CALN1: variants seen among roughly 807,000 people sequenced by gnomAD.
CALN1 encodes calneuron 1.
CALN1 carries 17 observed loss-of-function variants against 30.6 expected under a neutral mutation model. The observed-to-expected ratio is 0.56, with a 90% CI of 0.38 to 0.83. The LOEUF (loss-of-function observed/expected upper bound fraction) is 0.83, where lower values mean the gene tolerates loss of function less well. Among genes scored for constraint, CALN1 ranks in the 40% least tolerant of loss-of-function variants. The pLI, the probability that CALN1 is intolerant of heterozygous loss-of-function variation, is 0.00. For synonymous variants in CALN1, 156 were observed against 131.4 expected (o/e 1.19, Z -1.28); for missense variants, 291 against 354.9 (o/e 0.82, Z 1.45).
chr7:71,902,131 G>A (rs574109450), intron 5 of CALN1, among the ~76,000 whole-genome samples: 1 of 152,150 alleles, frequency 6.6e-6, no homozygotes, highest in Non-Finnish European at 1.5e-5. Flanking sequence ...GGCTGAGGCT[G>A]GAGAATGGTG....
intron 5 of CALN1, among the ~76,000 whole-genome samples, chr7:71,856,656 A>G (rs551237445): frequency 3.9e-5 from 6 of 152,242 alleles, no homozygotes; most frequent in African/African-American, 1.2e-4. Context: ...TGTATGTCCA[A>G]ATAAAAAATA....
intron 5 of CALN1, among the ~76,000 whole-genome samples, chr7:71,934,332 T>A (rs968450053): frequency 2.6e-5 from 4 of 152,204 alleles, no homozygotes; most frequent in Non-Finnish European, 5.9e-5. Flanking sequence ...GTCACTGGTA[T>A]AGTCACTGAT....
At chr7:72,032,870 G>A (rs954433163) in intron 4 of CALN1, among the ~76,000 whole-genome samples, 1 of 152,082 alleles carries the variant, frequency 6.6e-6, no homozygotes, top group Non-Finnish European at 1.5e-5. Context: ...ACCTGTTCAG[G>A]CCCTGCAGGG....
chr7:72,193,936 C>A (rs959406720), intron 3 of CALN1, among the ~76,000 whole-genome samples: 6 of 150,838 alleles, frequency 4.0e-5, no homozygotes, highest in African/African-American at 9.8e-5. Flanking sequence ...AAGAATAATA[C>A]AATAAACTGA....
intron 5 of CALN1, among the ~76,000 whole-genome samples, chr7:71,867,969 T>G (rs552491000): frequency 6.8e-4 from 104 of 152,342 alleles, no homozygotes; most frequent in Non-Finnish European, 1.2e-3. Flanking sequence ...ACATCTATGA[T>G]AGACATATCT....
At chr7:72,029,580 T>C (rs1376786556) in intron 4 of CALN1, among the ~76,000 whole-genome samples, 3 of 152,172 alleles carry the variant, frequency 2.0e-5, no homozygotes, top group Non-Finnish European at 4.4e-5. Context: ...GAAATTTCAG[T>C]GCCATCTCCC....
chr7:72,274,791 T>C (rs1797233073), intron 3 of CALN1, among the ~76,000 whole-genome samples: 1 of 152,134 alleles, frequency 6.6e-6, no homozygotes, highest in Non-Finnish European at 1.5e-5. Context: ...TAAAAATGGA[T>C]GAATGAATGA....
chr7:72,382,783 A>G (rs7781345), intron 2 of CALN1, among the ~76,000 whole-genome samples: 2,156 of 152,190 alleles, frequency 0.014, 22 homozygotes, highest in African/African-American at 0.025. Flanking sequence ...ATGTTGCTGT[A>G]AAGGACAGGA....
At chr7:71,904,202 C>G (rs1794008816) in intron 5 of CALN1, among the ~76,000 whole-genome samples, 1 of 152,174 alleles carries the variant, frequency 6.6e-6, no homozygotes, top group Non-Finnish European at 1.5e-5. Context: ...CTACTGGGTA[C>G]ATGTCCAGAG....
intron 5 of CALN1, among the ~76,000 whole-genome samples, chr7:72,017,058 G>C (rs977856226): frequency 6.8e-5 from 10 of 147,876 alleles, no homozygotes; most frequent in Admixed American, 6.7e-4. Flanking sequence ...CAGCTACTTG[G>C]GAGGCTGAAG....
intron 2 of CALN1, among the ~76,000 whole-genome samples, chr7:72,360,926 C>A (rs548416870): frequency 1.6e-3 from 243 of 151,908 alleles, no homozygotes; most frequent in South Asian, 4.6e-3. Context: ...AGGGTTTCAT[C>A]CTGTTGGCCA....
At chr7:72,205,551 A>AATATATATAT (rs1554319583) in intron 3 of CALN1, among the ~76,000 whole-genome samples, 1 of 83,050 alleles carries the variant, frequency 1.2e-5, no homozygotes, top group African/African-American at 7.5e-5. Context: ...GCAAAAAAAA[A>AATATATATAT]ATATATATAT....
intron 3 of CALN1, among the ~76,000 whole-genome samples, chr7:72,244,670 T>C (rs1795050050): frequency 6.6e-6 from 1 of 151,286 alleles, no homozygotes; most frequent in South Asian, 2.1e-4. Context: ...AAAATGGGGG[T>C]TGAGTAGGAA....
intron 2 of CALN1, among the ~76,000 whole-genome samples, chr7:72,343,560 A>T (rs1802480863): frequency 6.7e-6 from 1 of 149,976 alleles, no homozygotes; most frequent in African/African-American, 2.5e-5. Context: ...AAAAAAAAAA[A>T]TCAATATAAC....
intron 3 of CALN1, among the ~76,000 whole-genome samples, chr7:72,264,496 ATT>A (rs34126246): frequency 0.34 from 50,528 of 147,098 alleles, 9,625 homozygotes; most frequent in Middle Eastern, 0.52. Flanking sequence ...AATAAGCAGG[ATT>A]TTTTTTTTTT....
chr7:71,958,190 A>G (rs1350622773), intron 5 of CALN1, among the ~76,000 whole-genome samples: 1 of 152,060 alleles, frequency 6.6e-6, no homozygotes, highest in Non-Finnish European at 1.5e-5. Flanking sequence ...TAATGGATCC[A>G]TCATCTTAAT....
intron 2 of CALN1, among the ~76,000 whole-genome samples, chr7:72,293,773 G>GA (rs1798655755): frequency 6.6e-6 from 1 of 152,236 alleles, no homozygotes; most frequent in African/African-American, 2.4e-5. Context: ...TCAAGGATAA[G>GA]AAAAAATGCT....
chr7:72,265,446 G>A (rs563122033), intron 3 of CALN1, among the ~76,000 whole-genome samples: 1 of 152,296 alleles, frequency 6.6e-6, no homozygotes, highest in African/African-American at 2.4e-5. Context: ...TAGTGTCAGT[G>A]AAGCCAACAT....
chr7:72,391,009 A>G (rs911085374), intron 2 of CALN1, among the ~76,000 whole-genome samples: 6 of 152,150 alleles, frequency 3.9e-5, no homozygotes, highest in African/African-American at 7.2e-5. Flanking sequence ...TTCTTTGTAC[A>G]TTGTAATTTT....
Sources: gnomAD v4.1 joint callset for allele counts (sites outside exome capture counted in the v4.1 genomes callset) on GRCh38, gnomAD v4.1.1 for gene constraint, MANE v1.5 for transcripts, NCBI Gene and HGNC (gene_info 2026-07-23, HGNC 2026-07-21) for gene names.